The following AAGAB variants were observed in gnomAD, a reference collection of about 807,000 sequenced individuals.
AAGAB encodes alpha- and gamma-adaptin-binding protein p34.
Under a neutral mutation model 44.1 loss-of-function variants are expected in AAGAB, and 38 were observed. The observed-to-expected ratio is 0.86, with a 90% CI of 0.67 to 1.13. AAGAB has a LOEUF of 1.13. Among genes scored for constraint, AAGAB ranks in the 50% most tolerant of loss-of-function variants. The pLI is 0.00. For missense variants in AAGAB, 450 were observed against 373.8 expected (o/e 1.20, Z -1.68); for synonymous variants, 131 against 131.8 (o/e 0.99, Z 0.04).
intron 5 of AAGAB, among the ~76,000 whole-genome samples, chr15:67,224,588 T>C (rs1595993690): frequency 6.7e-6 from 1 of 150,050 alleles, no homozygotes; most frequent in Non-Finnish European, 1.5e-5. Context: ...TTCTTTTCTT[T>C]TTTTTTTTTT....
At position 67,236,010 on chromosome 15, in the gene AAGAB, T is replaced by G. The variant is rs780418051; in HGVS notation, c.420A>C (p.Glu140Asp). 6.2e-7 allele frequency: 1 copy of G among 1,613,550 alleles called. No homozygotes were observed. Among genetic ancestry groups the G allele is most frequent in the Non-Finnish European group, 8.5e-7 (1 of 1,179,706 alleles). ...CCTCAGGCAACTCCTCTGGACTAAG[T>G]TCTACCAATTCAAAGCCATGTTTGA... ...WCIKHGFELV[E>D]LSPEELPEED... is the part of the protein sequence containing the mutation. Residue 140 changes from glutamate to aspartate, a missense_variant, in exon 4 of 10, where the codon GAA becomes GAC. Glu to Asp is a conservative substitution (Grantham distance 45, BLOSUM62 2). Transcript: ENST00000261880.
intron 5 of AAGAB, 24 bp from the exon 6 acceptor site, chr15:67,209,568 T>C: frequency 6.3e-7 from 1 of 1,576,418 alleles, no homozygotes; most frequent in Non-Finnish European, 8.7e-7. Context: ...ATACACTTAG[T>C]GAAATTTGTC....
rs567735587 is a variant in AAGAB, at chr15:67,235,149, A to G, written c.451+830T>C. On this transcript the variant is annotated intron_variant, in intron 4 of 9. Transcript: ENST00000261880. ...GCAGTCCTCTCACTACAAGCCCAGGACCTTTTCTAACTTCTTCCCCATGGA... is the reference window on the plus strand; with the variant it reads ...GCAGTCCTCTCACTACAAGCCCAGGGCCTTTTCTAACTTCTTCCCCATGGA... Among the ~76,000 whole-genome samples, 9 of 152,264 alleles carry G rather than the reference A, an allele frequency of 5.9e-5. No individual in the cohort carries two copies. In the South Asian group the frequency reaches 1.7e-3, roughly 28 times the overall value.
At chr15:67,215,984 C>G (rs1963935278) in intron 5 of AAGAB, among the ~76,000 whole-genome samples, 1 of 152,152 alleles carries the variant, frequency 6.6e-6, no homozygotes, top group Admixed American at 6.5e-5. Context: ...TGAATCTGCT[C>G]TCCCTTGACA....
intron 5 of AAGAB, among the ~76,000 whole-genome samples, chr15:67,222,282 A>ACACACACACCC (rs796412643): frequency 2.1e-5 from 3 of 139,930 alleles, no homozygotes; most frequent in South Asian, 2.4e-4. Context: ...ACACACACAC[A>ACACACACACCC]CCCTCCACCC....
intron 3 of AAGAB, 116 bp from the exon 4 acceptor site, chr15:67,236,184 G>A: frequency 7.8e-6 from 7 of 895,000 alleles, no homozygotes; most frequent in Non-Finnish European, 5.1e-6. Flanking sequence ...TTATTCTAAA[G>A]GCATCTAAAA....
rs1193516724 is a variant in AAGAB at position 67,202,825 on chromosome 15, T to G, written c.944A>C (p.His315Pro). ...EIEGLSSDEE[H>P] is the part of the protein sequence containing the mutation. The stretch of plus-strand genomic sequence containing the variant: ...TCAAACCCTAGTATGAATAATTCAG[T>G]GCTCTTCATCAGATGAAAGGCCTTC... Residue 315 changes from histidine to proline, a missense_variant, in exon 10 of 10, where the codon CAC (histidine) becomes CCC (proline). Physicochemically the swap from His to Pro is moderately conservative, Grantham distance 77. Coordinates refer to ENST00000261880, the MANE Select transcript of AAGAB (RefSeq NM_024666.5). The G allele has an allele frequency of 6.2e-7, 1 of 1,613,760 alleles. No homozygotes were observed. Among genetic ancestry groups the G allele is most frequent in the Non-Finnish European group, 8.5e-7 (1 of 1,179,736 alleles).
chr15:67,253,735 C>A (rs1964966137), intron 1 of AAGAB, among the ~76,000 whole-genome samples: 1 of 150,150 alleles, frequency 6.7e-6, no homozygotes, highest in Non-Finnish European at 1.5e-5. Context: ...GCCCGGGCGA[C>A]AGAGCAAGTT....
In AAGAB at chr15:67,202,708, A is replaced by G; in HGVS notation, c.*113T>C. 1.1e-6 allele frequency: 1 copy of G among 925,680 alleles called. No individual in the cohort carries two copies. The highest frequency in any genetic ancestry group is 1.8e-6 in the Non-Finnish European group (1 of 569,218). 57.3% of individuals were successfully genotyped at this position (925,680 alleles called of 1,614,324 possible). ...TAAAATTAAGGGGACCCTATAAACA[A>G]GTCAGGCAGCCAACATGATAAGGGC... On this transcript the variant is annotated 3_prime_UTR_variant, in exon 10 of 10. Transcript: ENST00000261880.
intron 1 of AAGAB, among the ~76,000 whole-genome samples, chr15:67,239,078 A>G (rs1369463939): frequency 6.6e-6 from 1 of 152,174 alleles, no homozygotes; most frequent in Non-Finnish European, 1.5e-5. Flanking sequence ...TAATGAATTC[A>G]CTTGTTGCTA....
At chr15:67,239,626 C>T (rs1964549078) in intron 1 of AAGAB, among the ~76,000 whole-genome samples, 1 of 152,076 alleles carries the variant, frequency 6.6e-6, no homozygotes, top group Non-Finnish European at 1.5e-5. Flanking sequence ...TATGTCTAAT[C>T]AAACACTTTC....
At chr15:67,220,730 A>G (rs1364361589) in intron 5 of AAGAB, among the ~76,000 whole-genome samples, 1 of 152,220 alleles carries the variant, frequency 6.6e-6, no homozygotes. Context: ...TTATATAGAT[A>G]AATACTGGGA....
chr15:67,254,519 C>A, intron 1 of AAGAB, 40 bp downstream of exon 1: 1 of 1,568,056 alleles, frequency 6.4e-7, no homozygotes, highest in Non-Finnish European at 8.7e-7. Context: ...CGCTGAGGCT[C>A]AGGGGCCTTG....
intron 5 of AAGAB, among the ~76,000 whole-genome samples, chr15:67,212,041 G>A (rs985904684): frequency 6.6e-6 from 1 of 152,216 alleles, no homozygotes; most frequent in East Asian, 1.9e-4. Context: ...CACCACGCCC[G>A]ACTAATTTTT....
intron 5 of AAGAB, among the ~76,000 whole-genome samples, chr15:67,229,908 G>A (rs750320875): frequency 1.5e-4 from 23 of 151,960 alleles, no homozygotes; most frequent in South Asian, 2.1e-4. Flanking sequence ...GTGCAGTGGC[G>A]CGATCTCGGC....
intron 5 of AAGAB, among the ~76,000 whole-genome samples, chr15:67,213,455 T>C (rs1963870332): frequency 6.6e-6 from 1 of 152,184 alleles, no homozygotes; most frequent in Admixed American, 6.5e-5. Context: ...AAAATGCATC[T>C]CTCATAGCAA....
intron 4 of AAGAB, among the ~76,000 whole-genome samples, chr15:67,233,424 A>G (rs547065230): frequency 2.4e-4 from 37 of 152,360 alleles, no homozygotes; most frequent in African/African-American, 8.9e-4. Flanking sequence ...ATGATCGTGT[A>G]CAAAGGAAAT....
chr15:67,225,964 C>T (rs542152355), intron 5 of AAGAB, among the ~76,000 whole-genome samples: 3 of 152,122 alleles, frequency 2.0e-5, no homozygotes, highest in Admixed American at 2.0e-4. Context: ...AAAGTGGCTG[C>T]AGCACCATTT....
chr15:67,203,540 T>A lies in AAGAB; in HGVS notation c.870+8A>T, dbSNP rs1012043276. On this transcript the variant is annotated splice_region_variant and intron_variant, in intron 9 of 9. Transcript: ENST00000261880. ...GGTATTCAATAAATACCTGGCTGAT[T>A]GTCTCACCTTTTCTGCATGCACTTT... The A allele has an allele frequency of 5.6e-6, 9 of 1,613,100 alleles. No individual in the cohort carries two copies. The Admixed American group carries it at 1.0e-4, about 18-fold the overall frequency.
Sources: gnomAD v4.1 joint callset for allele counts (sites outside exome capture counted in the v4.1 genomes callset) on GRCh38, gnomAD v4.1.1 for gene constraint, MANE v1.5 for transcripts, NCBI Gene and HGNC (gene_info 2026-07-23, HGNC 2026-07-21) for gene names.